The following CACNA2D3 variants were observed in gnomAD, a reference collection of about 807,000 sequenced individuals.
CACNA2D3 encodes calcium voltage-gated channel auxiliary subunit alpha2delta 3, also known as voltage-dependent calcium channel subunit alpha-2/delta-3.
Under a neutral mutation model 160.6 loss-of-function variants are expected in CACNA2D3, and 60 were observed. That is an observed-to-expected ratio of 0.37 (90% CI 0.30 to 0.46). The LOEUF is 0.46. CACNA2D3 is among the 20% of genes least tolerant of loss of function. The probability of loss-of-function intolerance (pLI) is 1.00; values close to 1 mark genes in which losing one functional copy is unlikely to be tolerated. For missense variants in CACNA2D3, 1,205 were observed against 1,365.0 expected (o/e 0.88, Z 1.85); for synonymous variants, 558 against 492.9 (o/e 1.13, Z -1.75).
At chr3:54,564,419 A>G (rs572270586) in intron 6 of CACNA2D3, among the ~76,000 whole-genome samples, 3 of 152,304 alleles carry the variant, frequency 2.0e-5, no homozygotes, top group Non-Finnish European at 2.9e-5. Context: ...TGCCTGCATA[A>G]TTTCTGTGTT....
At chr3:54,496,007 G>A (rs1701196988) in intron 4 of CACNA2D3, among the ~76,000 whole-genome samples, 1 of 152,162 alleles carries the variant, frequency 6.6e-6, no homozygotes, top group Non-Finnish European at 1.5e-5. Context: ...TTGTTAAGTA[G>A]TAATCCATTA....
At chr3:55,009,486 G>T in intron 34 of CACNA2D3, 43 bp downstream of exon 34, 3 of 1,557,142 alleles carry the variant, frequency 1.9e-6, no homozygotes, top group Non-Finnish European at 2.7e-6. Context: ...GGAGGGATAA[G>T]CGCTGGGTTC....
chr3:54,180,552 C>T (rs564167396), intron 2 of CACNA2D3, among the ~76,000 whole-genome samples: 65 of 152,288 alleles, frequency 4.3e-4, no homozygotes, highest in African/African-American at 1.5e-3. Flanking sequence ...TCCCTTAGTC[C>T]AAGGAGGCCC....
intron 35 of CACNA2D3, among the ~76,000 whole-genome samples, chr3:55,040,800 G>C (rs570766259): frequency 6.6e-6 from 1 of 152,214 alleles, no homozygotes; most frequent in East Asian, 1.9e-4. Context: ...GCTTTTTTCA[G>C]TTATACAAAA....
At chr3:54,952,426 T>C (rs1701780370) in intron 27 of CACNA2D3, among the ~76,000 whole-genome samples, 1 of 152,114 alleles carries the variant, frequency 6.6e-6, no homozygotes, top group Non-Finnish European at 1.5e-5. Context: ...TCTTAGGAGC[T>C]CTTTTTGGGC....
intron 11 of CACNA2D3, among the ~76,000 whole-genome samples, chr3:54,687,698 A>C (rs910102003): frequency 7.2e-5 from 11 of 152,214 alleles, no homozygotes; most frequent in Admixed American, 4.6e-4. Flanking sequence ...GTTTGCAGGA[A>C]TCATGGAAAG....
At chr3:54,652,783 CTTTTTT>C (rs11428424) in intron 11 of CACNA2D3, among the ~76,000 whole-genome samples, 2 of 118,280 alleles carry the variant, frequency 1.7e-5, no homozygotes, top group Non-Finnish European at 3.4e-5. Flanking sequence ...CCATGGGAGG[CTTTTTT>C]TTTTTTTTTT....
At chr3:55,056,255 A>C (rs1240333777) in intron 35 of CACNA2D3, among the ~76,000 whole-genome samples, 2 of 152,204 alleles carry the variant, frequency 1.3e-5, no homozygotes, top group East Asian at 1.9e-4. Flanking sequence ...TGACAATGAG[A>C]TATCATTTCA....
chr3:54,362,920 G>A (rs1346240699), intron 3 of CACNA2D3, among the ~76,000 whole-genome samples: 1 of 152,216 alleles, frequency 6.6e-6, no homozygotes, highest in Non-Finnish European at 1.5e-5. Context: ...TGTGCAGCCA[G>A]ACACGGTGGC....
intron 27 of CACNA2D3, among the ~76,000 whole-genome samples, chr3:54,911,313 C>T (rs903493512): frequency 6.8e-6 from 1 of 147,514 alleles, no homozygotes; most frequent in Non-Finnish European, 1.5e-5. Flanking sequence ...TCCCCTTCCC[C>T]CTCCCCGCTT....
intron 13 of CACNA2D3, among the ~76,000 whole-genome samples, chr3:54,785,140 T>C (rs986163824): frequency 9.2e-5 from 14 of 152,222 alleles, no homozygotes; most frequent in African/African-American, 3.4e-4. Flanking sequence ...CACATGGGAT[T>C]GGTTGGGATA....
chr3:54,452,780 C>T (rs13058965), intron 4 of CACNA2D3, among the ~76,000 whole-genome samples: 57,665 of 151,878 alleles, frequency 0.38, 12,109 homozygotes, highest in Non-Finnish European at 0.49. Flanking sequence ...GTCAGCAGGG[C>T]GATGCTCCCT....
chr3:54,163,800 G>A (rs1367586442), intron 2 of CACNA2D3, among the ~76,000 whole-genome samples: 1 of 152,218 alleles, frequency 6.6e-6, no homozygotes, highest in Non-Finnish European at 1.5e-5. Flanking sequence ...GTGACGGCAT[G>A]CGGAGGCGTC....
intron 35 of CACNA2D3, among the ~76,000 whole-genome samples, chr3:55,068,719 G>A (rs945304284): frequency 9.9e-5 from 15 of 152,076 alleles, no homozygotes; most frequent in Admixed American, 2.0e-4. Context: ...GAAGACCACC[G>A]AGTGGACATA....
rs1704882571 is a variant in CACNA2D3 at position 55,073,965 on chromosome 3, TC to T, written c.3183+109del. The T allele has an allele frequency of 2.7e-5, 30 of 1,121,070 alleles. 1 individual carries two copies. The South Asian group carries it at 4.0e-4, about 15-fold the overall frequency. 69.4% of individuals were successfully genotyped at this position (1,121,070 alleles called of 1,614,324 possible). ...GAAAAGTTCACTCATGAGAAAATAA[TC>T]CCTTTCATTCAGTAAACTGAATCTG... On this transcript the variant is annotated intron_variant, in intron 37 of 37. Coordinates refer to ENST00000474759, the MANE Select transcript of CACNA2D3 (RefSeq NM_018398.3).
chr3:54,475,650 C>G (rs967976376), intron 4 of CACNA2D3, among the ~76,000 whole-genome samples: 2 of 152,116 alleles, frequency 1.3e-5, no homozygotes, highest in Non-Finnish European at 2.9e-5. Flanking sequence ...CCCTAAGAGT[C>G]AAACTGCTTG....
intron 33 of CACNA2D3, among the ~76,000 whole-genome samples, chr3:55,008,771 C>T (rs1703148932): frequency 1.3e-5 from 2 of 152,032 alleles, no homozygotes; most frequent in African/African-American, 4.8e-5. Context: ...TCTTCATCCA[C>T]TGGAGGATAA....
At chr3:54,990,956 C>A (rs1488764315) in intron 31 of CACNA2D3, among the ~76,000 whole-genome samples, 1 of 152,188 alleles carries the variant, frequency 6.6e-6, no homozygotes, top group Non-Finnish European at 1.5e-5. Context: ...TTAGTTGACT[C>A]TTTGACCTGA....
chr3:54,627,428 G>A (rs1156424926), intron 9 of CACNA2D3, among the ~76,000 whole-genome samples: 1 of 152,144 alleles, frequency 6.6e-6, no homozygotes, highest in Admixed American at 6.5e-5. Context: ...TCCCAGTGGA[G>A]GGGTGCATAT....
Sources: gnomAD v4.1 joint callset for allele counts (sites outside exome capture counted in the v4.1 genomes callset) on GRCh38, gnomAD v4.1.1 for gene constraint, MANE v1.5 for transcripts, NCBI Gene and HGNC (gene_info 2026-07-23, HGNC 2026-07-21) for gene names.